The following FHIT variants were observed in gnomAD, a reference collection of about 807,000 sequenced individuals.
FHIT encodes the protein fragile histidine triad diadenosine triphosphatase, also known as bis(5'-adenosyl)-triphosphatase.
In FHIT, 19 loss-of-function variants were observed where a neutral mutation model predicts 17.9. The observed-to-expected ratio is 1.06, with a 90% CI of 0.74 to 1.56. The LOEUF is 1.56. Among genes scored for constraint, FHIT ranks in the 40% most tolerant of loss-of-function variants. FHIT has a pLI of 0.00. For synonymous variants in FHIT, 81 were observed against 69.7 expected (o/e 1.16, Z -0.81); for missense variants, 248 against 189.2 (o/e 1.31, Z -1.82).
At chr3:60,314,805 C>T (rs1427235289) in intron 5 of FHIT, among the ~76,000 whole-genome samples, 3 of 152,214 alleles carry the variant, frequency 2.0e-5, no homozygotes, top group South Asian at 4.1e-4. Context: ...TCAGCAGAGG[C>T]TGGGTGCGGT....
At chr3:60,564,484 T>C (rs538092981) in intron 4 of FHIT, among the ~76,000 whole-genome samples, 33 of 152,276 alleles carry the variant, frequency 2.2e-4, no homozygotes, top group African/African-American at 7.7e-4. Context: ...ACTCCTCTGA[T>C]GGATCTGGGC....
At chr3:60,919,480 T>C (rs1707168589) in intron 3 of FHIT, among the ~76,000 whole-genome samples, 2 of 151,186 alleles carry the variant, frequency 1.3e-5, no homozygotes, top group South Asian at 4.2e-4. Flanking sequence ...TCAAATAGGG[T>C]AATCTGCAGA....
chr3:59,801,140 A>C (rs952712979), intron 8 of FHIT, among the ~76,000 whole-genome samples: 3 of 152,200 alleles, frequency 2.0e-5, no homozygotes, highest in Non-Finnish European at 2.9e-5. Context: ...ACATTTATTG[A>C]GCACTGTATG....
intron 1 of FHIT, among the ~76,000 whole-genome samples, chr3:61,223,310 T>C (rs1017528200): frequency 1.3e-5 from 2 of 152,128 alleles, no homozygotes; most frequent in African/African-American, 4.8e-5. Context: ...GGACTGACCA[T>C]GCTCCAGAAG....
chr3:60,590,110 T>A (rs1559562480), intron 4 of FHIT, among the ~76,000 whole-genome samples: 1 of 152,108 alleles, frequency 6.6e-6, no homozygotes, highest in African/African-American at 2.4e-5. Flanking sequence ...TTTTCTCTAA[T>A]AAGTTAACGA....
intron 4 of FHIT, among the ~76,000 whole-genome samples, chr3:60,631,740 G>A (rs1553682481): frequency 2.0e-5 from 3 of 152,252 alleles, no homozygotes; most frequent in East Asian, 3.9e-4. Flanking sequence ...TGTGTCGCAC[G>A]GCATCCCCAG....
chr3:61,200,824 G>T (rs959395203), intron 1 of FHIT, among the ~76,000 whole-genome samples, 159 bp from the exon 2 acceptor site: 13 of 151,974 alleles, frequency 8.6e-5, no homozygotes, highest in Non-Finnish European at 1.5e-4. Context: ...CGCACAAGAG[G>T]CCAAAAAAAG....
At chr3:60,337,774 G>A (rs896401869) in intron 5 of FHIT, among the ~76,000 whole-genome samples, 5 of 152,118 alleles carry the variant, frequency 3.3e-5, no homozygotes, top group Admixed American at 2.0e-4. Flanking sequence ...AGGTGTACCT[G>A]GGGTTTCCAT....
At chr3:60,914,444 G>T (rs986530456) in intron 3 of FHIT, among the ~76,000 whole-genome samples, 1 of 151,932 alleles carries the variant, frequency 6.6e-6, no homozygotes, top group African/African-American at 2.4e-5. Flanking sequence ...AATGGAAGGG[G>T]AGGAGAATGG....
chr3:60,778,633 C>T (rs190833215), intron 4 of FHIT, among the ~76,000 whole-genome samples: 4 of 152,308 alleles, frequency 2.6e-5, no homozygotes, highest in East Asian at 3.9e-4. Context: ...AAGTTTGAAG[C>T]GTGTTTGTTT....
At chr3:60,753,045 G>A (rs1347850379) in intron 4 of FHIT, among the ~76,000 whole-genome samples, 1 of 152,164 alleles carries the variant, frequency 6.6e-6, no homozygotes, top group African/African-American at 2.4e-5. Flanking sequence ...TAGTTGTGTT[G>A]TTGGCTCCAG....
At chr3:61,024,929 C>T (rs556217137) in intron 3 of FHIT, among the ~76,000 whole-genome samples, 2 of 151,808 alleles carry the variant, frequency 1.3e-5, no homozygotes, top group Admixed American at 1.3e-4. Context: ...CCATTGTTTT[C>T]AAGACAGTGT....
intron 3 of FHIT, among the ~76,000 whole-genome samples, chr3:60,926,162 A>T (rs1482390646): frequency 2.0e-5 from 3 of 152,164 alleles, no homozygotes; most frequent in Non-Finnish European, 4.4e-5. Context: ...CAGAAAGTTA[A>T]CAAGGATATC....
At chr3:61,131,098 T>G (rs2036750700) in intron 2 of FHIT, among the ~76,000 whole-genome samples, 2 of 152,234 alleles carry the variant, frequency 1.3e-5, no homozygotes, top group South Asian at 4.1e-4. Context: ...CCCAAATTGT[T>G]ACCTCTACTA....
At chr3:60,176,896 A>G (rs372257750) in intron 5 of FHIT, among the ~76,000 whole-genome samples, 3 of 152,290 alleles carry the variant, frequency 2.0e-5, no homozygotes, top group African/African-American at 7.2e-5. Flanking sequence ...GTTTTCTCCA[A>G]TTCCTCTAAC....
intron 2 of FHIT, among the ~76,000 whole-genome samples, chr3:61,100,401 T>C (rs1287798420): frequency 6.6e-6 from 1 of 152,246 alleles, no homozygotes; most frequent in East Asian, 1.9e-4. Context: ...TATCCTTTTT[T>C]ATGGCTGCAT....
intron 5 of FHIT, among the ~76,000 whole-genome samples, chr3:60,485,254 C>G (rs890158795): frequency 1.3e-5 from 2 of 152,112 alleles, no homozygotes; most frequent in Non-Finnish European, 2.9e-5. Context: ...AGTGATTCCT[C>G]AAGGATCTAG....
chr3:60,707,366 A>G (rs1553703807), intron 4 of FHIT, among the ~76,000 whole-genome samples: 2 of 152,248 alleles, frequency 1.3e-5, no homozygotes, highest in Non-Finnish European at 2.9e-5. Context: ...CTCTAAGTCT[A>G]TTAAATGTTT....
intron 8 of FHIT, among the ~76,000 whole-genome samples, chr3:59,904,823 G>A (rs189395385): frequency 5.3e-5 from 8 of 152,226 alleles, no homozygotes; most frequent in African/African-American, 1.4e-4. Context: ...CTGTGTGGCT[G>A]GGCCTGGGGC....
Sources: gnomAD v4.1 joint callset for allele counts (sites outside exome capture counted in the v4.1 genomes callset) on GRCh38, gnomAD v4.1.1 for gene constraint, MANE v1.5 for transcripts, NCBI Gene and HGNC (gene_info 2026-07-23, HGNC 2026-07-21) for gene names.